The following RP1 variants were observed in gnomAD, a reference collection of about 807,000 sequenced individuals.
RP1 encodes RP1 axonemal microtubule associated.
Under a neutral mutation model 14.8 loss-of-function variants are expected in RP1, and 16 were observed. The observed-to-expected ratio is 1.08, with a 90% CI of 0.73 to 1.65. The LOEUF is 1.65. RP1 is among the 40% of genes most tolerant of loss of function. The pLI, the probability that RP1 is intolerant of heterozygous loss-of-function variation, is 0.00. For missense variants in RP1, 2,631 were observed against 2,535.0 expected, an observed-to-expected ratio of 1.04 and a Z score of -0.81; for synonymous variants, 876 against 883.6, an observed-to-expected ratio of 0.99 and a Z score of 0.15.
exon 12 of RP1, chr8:54,679,905 C>T (rs977291091): frequency 4.3e-5 from 66 of 1,535,924 alleles, no homozygotes; most frequent in African/African-American, 1.2e-4. Context: ...GCACAGTTGA[C>T]GCCATTGGAG....
intron 3 of RP1, among the ~76,000 whole-genome samples, chr8:54,638,181 T>C (rs1409449648): frequency 6.6e-6 from 1 of 152,152 alleles, no homozygotes; most frequent in East Asian, 1.9e-4. Flanking sequence ...CTTTTTTGAT[T>C]CTTGAATGTA....
intron 13 of RP1, among the ~76,000 whole-genome samples, chr8:54,700,634 T>C (rs1410250472): frequency 2.0e-5 from 3 of 152,162 alleles, no homozygotes; most frequent in Non-Finnish European, 4.4e-5. Context: ...TGAAGAAATA[T>C]CTCTTCAACT....
At chr8:54,823,114 C>T (rs1293014874) in intron 24 of RP1, among the ~76,000 whole-genome samples, 4 of 152,136 alleles carry the variant, frequency 2.6e-5, no homozygotes, top group South Asian at 2.1e-4. Flanking sequence ...GACTCCCCGC[C>T]GCCCCCTCAG....
intron 24 of RP1, among the ~76,000 whole-genome samples, chr8:54,797,079 A>G (rs1810594968): frequency 6.6e-6 from 1 of 152,014 alleles, no homozygotes; most frequent in African/African-American, 2.4e-5. Context: ...TAAAGAGTAG[A>G]CTCCTTTTTA....
intron 19 of RP1, among the ~76,000 whole-genome samples, chr8:54,740,290 A>C (rs1486257402): frequency 6.6e-6 from 1 of 150,804 alleles, no homozygotes; most frequent in East Asian, 1.9e-4. Context: ...AATATCTTCC[A>C]ATGGGTCAAG....
intron 1 of RP1, among the ~76,000 whole-genome samples, chr8:54,585,734 C>T (rs1244699085): frequency 6.6e-6 from 1 of 152,168 alleles, no homozygotes; most frequent in Non-Finnish European, 1.5e-5. Flanking sequence ...CTTCTCACTT[C>T]ATTTCATTCA....
intron 23 of RP1, among the ~76,000 whole-genome samples, chr8:54,780,561 A>G (rs1297547911): frequency 1.3e-5 from 2 of 152,222 alleles, no homozygotes; most frequent in Admixed American, 6.5e-5. Flanking sequence ...AGATAAAAAT[A>G]TTTTTAAAAA....
chr8:54,832,278 T>A (rs1286646352), intron 24 of RP1, among the ~76,000 whole-genome samples: 1 of 151,862 alleles, frequency 6.6e-6, no homozygotes, highest in Non-Finnish European at 1.5e-5. Context: ...ATTATATATA[T>A]GTTAGTTTAA....
intron 10 of RP1, chr8:54,679,550 A>G: frequency 6.5e-7 from 1 of 1,535,840 alleles, no homozygotes; most frequent in Non-Finnish European, 8.7e-7. Flanking sequence ...TGACTGGAGA[A>G]AGCATGACAC....
chr8:54,598,803 C>T (rs1288028585), intron 1 of RP1, among the ~76,000 whole-genome samples: 1 of 152,206 alleles, frequency 6.6e-6, no homozygotes, highest in African/African-American at 2.4e-5. Flanking sequence ...TTCGGAGCTT[C>T]TTGACTTTTG....
intron 3 of RP1, among the ~76,000 whole-genome samples, chr8:54,648,261 G>A (rs1451977233): frequency 6.6e-6 from 1 of 152,086 alleles, no homozygotes; most frequent in Non-Finnish European, 1.5e-5. Flanking sequence ...ATACACTGAT[G>A]TTTACCCCAA....
At chr8:54,595,679 G>T (rs746114888) in intron 1 of RP1, among the ~76,000 whole-genome samples, 11 of 152,106 alleles carry the variant, frequency 7.2e-5, no homozygotes, top group Admixed American at 1.3e-4. Context: ...GAGTCTACTC[G>T]CCTGATTATG....
At chr8:54,758,832 G>A in intron 21 of RP1, 1 of 1,319,430 alleles carries the variant, frequency 7.6e-7, no homozygotes, top group South Asian at 1.4e-5. Flanking sequence ...GCTGCTTCTG[G>A]CAGTCGTTTA....
chr8:54,755,881 C>T, intron 21 of RP1: 1 of 1,046,856 alleles, frequency 9.6e-7, no homozygotes, highest in East Asian at 2.8e-5. Flanking sequence ...AGTTTTAAGA[C>T]ATCTTTAACA....
At chr8:54,819,743 T>C (rs1477610359) in intron 24 of RP1, among the ~76,000 whole-genome samples, 2 of 152,046 alleles carry the variant, frequency 1.3e-5, no homozygotes, top group Non-Finnish European at 2.9e-5. Context: ...GGTACCACCA[T>C]GGTGGGCTTG....
chr8:54,721,824 T>C (rs1808543583), intron 16 of RP1, among the ~76,000 whole-genome samples: 1 of 152,222 alleles, frequency 6.6e-6, no homozygotes. Flanking sequence ...TTTGAAAGCA[T>C]CAACATTTCT....
chr8:54,620,911 G>T, intron 1 of RP1, 44 bp from the exon 2 acceptor site: 1 of 1,559,096 alleles, frequency 6.4e-7, no homozygotes. Context: ...CCATGTATTC[G>T]CTATGGTGCT....
intron 22 of RP1, among the ~76,000 whole-genome samples, chr8:54,760,933 T>G (rs1809622967): frequency 6.6e-6 from 1 of 152,184 alleles, no homozygotes; most frequent in African/African-American, 2.4e-5. Context: ...CCCCATCTGA[T>G]GAGTAACACA....
chr8:54,784,872 A>G (rs143461285), intron 24 of RP1, among the ~76,000 whole-genome samples: 1,774 of 152,048 alleles, frequency 0.012, 15 homozygotes, highest in Middle Eastern at 0.031. Flanking sequence ...CTGCAATATA[A>G]TTCACTCTAA....
Sources: allele counts gnomAD v4.1 joint callset (sites outside exome capture counted in the v4.1 genomes callset), GRCh38; gene constraint gnomAD v4.1.1; transcripts MANE v1.5; gene names NCBI Gene and HGNC (gene_info 2026-07-23, HGNC 2026-07-21).